The following TUBG2 variants were observed in gnomAD, a reference collection of about 807,000 sequenced individuals.
TUBG2 encodes the protein tubulin gamma 2.
Under a neutral mutation model 55.1 loss-of-function variants are expected in TUBG2, and 39 were observed. The ratio of observed to expected loss-of-function variants is 0.71; its 90% CI spans 0.55 to 0.93. The LOEUF is 0.93. Ranked by LOEUF, TUBG2 falls within the 40% of genes least tolerant of loss-of-function variation. The pLI, the probability that TUBG2 is intolerant of heterozygous loss-of-function variation, is 0.00. For missense variants in TUBG2, 358 were observed against 599.1 expected, an observed-to-expected ratio of 0.60 and a Z score of 4.20; for synonymous variants, 223 against 241.0, an observed-to-expected ratio of 0.93 and a Z score of 0.69.
In TUBG2 at chr17:42,661,694, C is replaced by T. The variant is rs968393155; in HGVS notation, c.399+987C>T. 1.1e-4 allele frequency among the ~76,000 whole-genome samples: 16 copies of T among 152,330 alleles called. 1 individual carries two copies. Among genetic ancestry groups the T allele is most frequent in the Middle Eastern group, 6.8e-3 (2 of 294 alleles). ...GCCGGACCCTTCTAGAGCTTCCCCT[C>T]GGTATCTCTTCATCTGGCTGTTTAT... is the stretch of plus-strand genomic sequence containing the variant. On this transcript the variant is annotated intron_variant, in intron 4 of 10. Transcript: ENST00000251412.
At chr17:42,661,245 G>T (rs2052376290) in intron 4 of TUBG2, 1 of 153,326 alleles carries the variant, frequency 6.5e-6, no homozygotes, top group Non-Finnish European at 1.5e-5. Context: ...ACAGTCTTTT[G>T]TTATTTATAA....
At chr17:42,660,976 A>G in intron 4 of TUBG2, 1 of 401,904 alleles carries the variant, frequency 2.5e-6, no homozygotes, top group Non-Finnish European at 4.7e-6. Flanking sequence ...GCCTGGATGC[A>G]TAAGAGGAAG....
intron 10 of TUBG2, 48 bp from the exon 11 acceptor site, chr17:42,666,555 C>T (rs1303801468): frequency 3.1e-6 from 5 of 1,613,744 alleles, no homozygotes; most frequent in Non-Finnish European, 4.2e-6. Flanking sequence ...TCCCCAAGTT[C>T]ACTCCTAACC....
intron 3 of TUBG2, 38 bp from the exon 4 acceptor site, chr17:42,660,601 C>A (rs1019168755): frequency 6.3e-7 from 1 of 1,583,730 alleles, no homozygotes; most frequent in Non-Finnish European, 8.7e-7. Flanking sequence ...CTCTCTGGAA[C>A]CTTTGGCCTG....
At position 42,659,899 on chromosome 17, in the gene TUBG2, G is replaced by C. The variant is rs774076111; in HGVS notation, c.115G>C (p.Glu39Gln). The change falls in exon 2 of 11, where the codon GAA (glutamate) becomes CAA (glutamine). Residue 39 changes from glutamate (E) to glutamine (Q), a missense_variant. Around this residue, in one of 8 missense-constraint regions of TUBG2, gnomAD observed 32 missense variants for 115.1 expected, o/e 0.28. Coordinates refer to ENST00000251412, the MANE Select transcript of TUBG2 (RefSeq NM_016437.3). ...TATCAGCCCCGAGGGCATCGTGGAG[G>C]AATTCGCCACCGAGGGCACTGACCG... ...HGISPEGIVE[E>Q]FATEGTDRKD... 1 of 1,613,500 alleles carries C rather than the reference G, an allele frequency of 6.2e-7. No individual in the cohort carries two copies. The highest frequency in any genetic ancestry group is 8.5e-7 in the Non-Finnish European group (1 of 1,179,702).
In TUBG2 at chr17:42,665,804, AC is replaced by A. The variant is rs768592803; in HGVS notation, c.824del (p.Pro275ArgfsTer11). On this transcript the variant is annotated frameshift_variant, in exon 8 of 11. Transcript: ENST00000251412. LOFTEE classifies it high-confidence loss of function. ...PRLHFLMTGY[T>X]PLTTDQSVAS... The stretch of plus-strand genomic sequence containing the variant: ...GCTCCACTTCCTCATGACCGGCTAC[AC>A]CCCGCTCACTACAGACCAGTCAGTA... 1.2e-5 allele frequency: 19 copies of A among 1,613,820 alleles called. No homozygotes were observed. Among genetic ancestry groups the A allele is most frequent in the Non-Finnish European group, 1.5e-5 (18 of 1,179,968 alleles).
chr17:42,659,763 C>G (rs2292750), intron 1 of TUBG2, 71 bp from the exon 2 acceptor site: 2 of 1,582,744 alleles, frequency 1.3e-6, no homozygotes, highest in Non-Finnish European at 1.7e-6. Flanking sequence ...TCGTGTCAGC[C>G]TCTGAGACTA....
chr17:42,659,784 C>T (rs1430369352), intron 1 of TUBG2, 50 bp from the exon 2 acceptor site: 3 of 1,609,694 alleles, frequency 1.9e-6, no homozygotes, highest in Admixed American at 1.7e-5. Context: ...AAACTGGGCT[C>T]CTCAGGCCTT....
At chr17:42,663,547 C>T (rs1368869797) in intron 6 of TUBG2, 44 bp downstream of exon 6, 1 of 1,608,788 alleles carries the variant, frequency 6.2e-7, no homozygotes, top group Admixed American at 1.7e-5. Context: ...GTGGCTCATG[C>T]CTGTAGTTCT....
chr17:42,663,551 TAGTTCTAGCACTTTGGG>T, intron 6 of TUBG2, 48 bp downstream of exon 6: 3 of 1,608,070 alleles, frequency 1.9e-6, no homozygotes, highest in Non-Finnish European at 2.5e-6. Flanking sequence ...CTCATGCCTG[TAGTTCTAGCACTTTGGG>T]AGGCCTAGGC....
chr17:42,663,963 C>T (rs945281527), intron 6 of TUBG2, among the ~76,000 whole-genome samples: 4 of 147,430 alleles, frequency 2.7e-5, no homozygotes, highest in African/African-American at 1.0e-4. Flanking sequence ...AAAAATTAGC[C>T]AGTCCTGGTA....
rs774073213 is a variant in TUBG2 at position 42,663,040 on chromosome 17, G to A, written c.467G>A (p.Arg156Gln). ...GGCCTGGGCTCCTACCTCCTGGAGC[G>A]ACTGAATGACAGGCAAGCCTGTGTT... ...GSGLGSYLLE[R>Q]LNDRYPKKLV... Residue 156 changes from arginine (R) to glutamine (Q), a missense_variant, in exon 5 of 11, where the codon CGA becomes CAA. By Grantham distance (43) the Arg-to-Gln change is conservative. Transcript: ENST00000251412. The A allele has an allele frequency of 2.9e-5, 46 of 1,613,880 alleles. No individual in the cohort carries two copies. Among genetic ancestry groups the A allele is most frequent in the Middle Eastern group, 1.6e-4 (1 of 6,082 alleles).
Position 42,665,764 on chromosome 17 carries a change from C to T in TUBG2, c.780C>T (p.Leu260=). The T allele has an allele frequency of 3.7e-6, 6 of 1,614,222 alleles. No homozygotes were observed. Among genetic ancestry groups the T allele is most frequent in the Non-Finnish European group, 4.2e-6 (5 of 1,180,026 alleles). ...NNDLIGLIAS[L]IPTPRLHFLM... ...ACCTCATCGGCCTCATCGCCTCGCT[C>T]ATTCCCACCCCACGGCTCCACTTCC... The change falls in exon 8 of 11, where the codon CTC becomes CTT. Residue 260 remains leucine (L), a synonymous_variant. Coordinates refer to ENST00000251412, the MANE Select transcript of TUBG2 (RefSeq NM_016437.3).
chr17:42,660,513 A>G, intron 3 of TUBG2, 126 bp from the exon 4 acceptor site: 5 of 1,288,148 alleles, frequency 3.9e-6, no homozygotes, highest in Non-Finnish European at 5.5e-6. Flanking sequence ...GTTGAGGGCT[A>G]CAGCCTAGGC....
intron 4 of TUBG2, among the ~76,000 whole-genome samples, chr17:42,661,692 C>T (rs1314785606): frequency 6.6e-6 from 1 of 152,238 alleles, no homozygotes; most frequent in Non-Finnish European, 1.5e-5. Flanking sequence ...AGAGCTTCCC[C>T]TCGGTATCTC....
chr17:42,659,810 C>T (rs779029002), intron 1 of TUBG2, 24 bp from the exon 2 acceptor site: 1 of 1,613,994 alleles, frequency 6.2e-7, no homozygotes, highest in South Asian at 1.1e-5. Flanking sequence ...TCCAGCAGAC[C>T]CGGGCATCTC....
Position 42,666,732 on chromosome 17 carries a change from G to C in TUBG2, c.1288G>C (p.Glu430Gln). 1 of 1,614,102 alleles carries C rather than the reference G, an allele frequency of 6.2e-7. No individual in the cohort carries two copies. Among genetic ancestry groups the C allele is most frequent in the South Asian group, 1.1e-5 (1 of 91,076 alleles). ...GGACAGGTCTAGGGAGGTTGTTCAG[G>C]AGCTCATTGATGAGTACCATGCGGC... ...EMDRSREVVQ[E>Q]LIDEYHAATQ... Residue 430 changes from glutamate to glutamine, a missense_variant, in exon 11 of 11, where the codon GAG (glutamate) becomes CAG (glutamine). Physicochemically the swap from Glu to Gln is conservative, Grantham distance 29. Transcript: ENST00000251412.
rs1432703394 is a variant in TUBG2, at chr17:42,666,233, C to T, written c.990C>T (p.Pro330=). Reference sequence around the variant, plus strand: ...ACATCATCCAGGGAGAGGTGGACCCCACCCAGGTAGGGGAGGCCCCTTCAT... The same window carrying T: ...ACATCATCCAGGGAGAGGTGGACCCTACCCAGGTAGGGGAGGCCCCTTCAT... ...ILNIIQGEVD[P]TQVHKSLQRI... Residue 330 remains proline (P), a synonymous_variant, in exon 9 of 11, where the codon CCC becomes CCT. Coordinates refer to ENST00000251412, the MANE Select transcript of TUBG2 (RefSeq NM_016437.3). The T allele has an allele frequency of 6.2e-7, 1 of 1,613,880 alleles. No individual in the cohort carries two copies. Among genetic ancestry groups the T allele is most frequent in the African/African-American group, 1.3e-5 (1 of 74,930 alleles).
chr17:42,665,863 C>T, intron 8 of TUBG2, 36 bp downstream of exon 8: 1 of 1,613,374 alleles, frequency 6.2e-7, no homozygotes, highest in Non-Finnish European at 8.5e-7. Flanking sequence ...GCCAGGCTGG[C>T]CCTGGGCCCA....
Sources: gnomAD v4.1 joint callset for allele counts (sites outside exome capture counted in the v4.1 genomes callset) on GRCh38, gnomAD v4.1.1 for gene constraint, gnomAD v4.1.1 regional missense constraint, MANE v1.5 for transcripts, NCBI Gene and HGNC (gene_info 2026-07-23, HGNC 2026-07-21) for gene names.